CHRM2: variants seen among roughly 807,000 people sequenced by gnomAD.
CHRM2 encodes the protein cholinergic receptor muscarinic 2, also known as muscarinic acetylcholine receptor M2.
Under a neutral mutation model 25.0 loss-of-function variants are expected in CHRM2, and 8 were observed. That is an observed-to-expected ratio of 0.32 (90% CI 0.19 to 0.58). The LOEUF is 0.58. Ranked by LOEUF, CHRM2 falls within the 20% of genes least tolerant of loss-of-function variation. CHRM2 has a pLI of 0.88. For synonymous variants in CHRM2, 202 were observed against 205.7 expected (o/e 0.98, Z 0.15); for missense variants, 440 against 567.1 (o/e 0.78, Z 2.28).
At chr7:136,940,128 TTTAAG>T (rs1325917333) in intron 2 of CHRM2, among the ~76,000 whole-genome samples, 2 of 152,204 alleles carry the variant, frequency 1.3e-5, no homozygotes, top group African/African-American at 4.8e-5. Flanking sequence ...CTAAGTGGTA[TTTAAG>T]TTAACAAGTA....
chr7:136,984,057 G>T (rs1169251755), intron 2 of CHRM2, among the ~76,000 whole-genome samples: 1 of 152,052 alleles, frequency 6.6e-6, no homozygotes, highest in East Asian at 1.9e-4. Context: ...CTCCCCCAAG[G>T]TTCTCTGTCC....
In CHRM2 at chr7:137,015,421, G is replaced by A; in HGVS notation, c.556G>A (p.Val186Ile). The change falls in exon 4 of 4, where the codon GTC becomes ATC. Residue 186 changes from valine to isoleucine, a missense_variant. Val to Ile is a conservative substitution (Grantham distance 29, BLOSUM62 3). Transcript: ENST00000680005. This position sits in a 1 kb window ranked among gnomAD's most constrained non-coding sequence, Gnocchi z 5.1. ...CATTCAGTTTTTTTCCAATGCTGCTGTCACCTTTGGTACGGCTATTGCAGC... is the reference window on the plus strand; with the variant it reads ...CATTCAGTTTTTTTCCAATGCTGCTATCACCTTTGGTACGGCTATTGCAGC... ...CYIQFFSNAAVTFGTAIAAFY... is the reference protein window; with the variant it reads ...CYIQFFSNAAITFGTAIAAFY... 6.2e-7 allele frequency: 1 copy of A among 1,613,432 alleles called. No homozygotes were observed. The highest frequency in any genetic ancestry group is 8.5e-7 in the Non-Finnish European group (1 of 1,179,626).
chr7:136,965,404 G>A (rs1051219485), intron 2 of CHRM2, among the ~76,000 whole-genome samples: 17 of 152,010 alleles, frequency 1.1e-4, no homozygotes, highest in Non-Finnish European at 2.4e-4. Context: ...TATTTCTCAT[G>A]GACAAGAGCA....
At chr7:137,003,808 G>T (rs893483025) in intron 3 of CHRM2, among the ~76,000 whole-genome samples, 1 of 152,118 alleles carries the variant, frequency 6.6e-6, no homozygotes, top group African/African-American at 2.4e-5. Context: ...TGTTGTGGGA[G>T]GAACCCAGTG....
intron 2 of CHRM2, among the ~76,000 whole-genome samples, chr7:136,892,631 C>T (rs529680385): frequency 6.6e-6 from 1 of 150,784 alleles, no homozygotes; most frequent in South Asian, 2.1e-4. Context: ...AAAAATGATA[C>T]CAAGGAAGAA....
intron 2 of CHRM2, among the ~76,000 whole-genome samples, chr7:136,877,295 T>C (rs1796086625): frequency 6.6e-6 from 1 of 152,086 alleles, no homozygotes; most frequent in Non-Finnish European, 1.5e-5. Flanking sequence ...TCTTTCAATG[T>C]AGAGGAAACC....
At chr7:136,873,914 CA>C (rs1400010062) in intron 2 of CHRM2, among the ~76,000 whole-genome samples, 1 of 152,140 alleles carries the variant, frequency 6.6e-6, no homozygotes, top group East Asian at 1.9e-4. Context: ...ACGAGGGCAC[CA>C]AAATTTTGGC....
intron 3 of CHRM2, 117 bp from the exon 4 acceptor site, chr7:137,014,703 C>A: frequency 1.4e-6 from 1 of 700,420 alleles, no homozygotes; most frequent in Non-Finnish European, 2.4e-6. Context: ...ACACAGTAAT[C>A]ATGCAGGGGA....
Position 137,014,633 on chromosome 7 carries a change from G to T in CHRM2, c.-46-187G>T, listed in dbSNP as rs17168888. Among the ~76,000 whole-genome samples the T allele has an allele frequency of 0.025, 3,822 of 151,968 alleles. 59 individuals are homozygous for T. Among genetic ancestry groups the T allele is most frequent in the Middle Eastern group, 0.058 (17 of 294 alleles). On this transcript the variant is annotated intron_variant, in intron 3 of 3. Transcript: ENST00000680005. Reference sequence around the variant, plus strand: ...TTCAAGTTCATTGCCAGCCTGAAAGGTCCTTTTGAATCCTCCATTTGAAGG... The same window carrying T: ...TTCAAGTTCATTGCCAGCCTGAAAGTTCCTTTTGAATCCTCCATTTGAAGG...
chr7:136,917,142 C>T (rs1032456350), intron 2 of CHRM2, among the ~76,000 whole-genome samples: 1 of 149,030 alleles, frequency 6.7e-6, no homozygotes, highest in African/African-American at 2.5e-5. Context: ...GTGACATTCA[C>T]TATTTTCAGC....
chr7:136,974,298 G>A (rs947272073), intron 2 of CHRM2, among the ~76,000 whole-genome samples: 2 of 152,166 alleles, frequency 1.3e-5, no homozygotes, highest in Admixed American at 6.5e-5. Flanking sequence ...TGCCTTCTAT[G>A]TGCTGGATGC....
intron 2 of CHRM2, among the ~76,000 whole-genome samples, chr7:136,906,369 GTATTA>G (rs1563057845): frequency 6.6e-6 from 1 of 150,642 alleles, no homozygotes; most frequent in Non-Finnish European, 1.5e-5. Context: ...ATATATGTAT[GTATTA>G]TATTTATATA....
chr7:136,985,603 G>C (rs182617440), intron 2 of CHRM2, among the ~76,000 whole-genome samples: 2 of 148,316 alleles, frequency 1.3e-5, no homozygotes, highest in Non-Finnish European at 3.0e-5. Flanking sequence ...ATCAATCTAA[G>C]ACAGGATTAC....
chr7:136,926,670 A>T (rs760628262), intron 2 of CHRM2, among the ~76,000 whole-genome samples: 3 of 152,192 alleles, frequency 2.0e-5, no homozygotes, highest in Non-Finnish European at 4.4e-5. Context: ...AATGAATTAT[A>T]TGGAAGAAAT....
rs114392872 is a variant in CHRM2, at chr7:136,913,342, G to A, written c.-125+43924G>A. On this transcript the variant is annotated intron_variant, in intron 2 of 3. Transcript: ENST00000680005. ...AAAATACCAGCTTTCTATTTCCACAGGAAGGAGTTATTTAAAAGAATCCAT... is the reference window on the plus strand; with the variant it reads ...AAAATACCAGCTTTCTATTTCCACAAGAAGGAGTTATTTAAAAGAATCCAT... Among the ~76,000 whole-genome samples the A allele has an allele frequency of 4.0e-3, 607 of 152,024 alleles. 3 individuals are homozygous for A. Among genetic ancestry groups the A allele is most frequent in the African/African-American group, 0.014 (575 of 41,532 alleles).
Position 136,869,962 on chromosome 7 carries a change from G to C in CHRM2, c.-125+544G>C, listed in dbSNP as rs553418207. 5.9e-5 allele frequency: 9 copies of C among 152,578 alleles called. No individual in the cohort carries two copies. Among genetic ancestry groups the C allele is most frequent in the African/African-American group, 2.2e-4 (9 of 41,600 alleles). The allele number at this position is 152,578 out of a possible 1,614,324, so 9.5% of individuals were successfully genotyped here. A position where few individuals can be genotyped will look rare whatever the true frequency, so the allele number is the denominator to read the frequency against. On this transcript the variant is annotated intron_variant, in intron 2 of 3. Coordinates refer to ENST00000680005, the MANE Select transcript of CHRM2 (RefSeq NM_001006630.2). The surrounding 1 kb of genome is among the most constrained non-coding windows in gnomAD (Gnocchi z 4.9). ...GCTCCGCTTTCGGAGCAGCCCTTGG[G>C]CGCTGGAGAGGTTTCCCATTGCGGT...
chr7:136,875,136 C>G (rs1796002653), intron 2 of CHRM2, among the ~76,000 whole-genome samples: 1 of 149,184 alleles, frequency 6.7e-6, no homozygotes, highest in South Asian at 2.1e-4. Flanking sequence ...CATATATATA[C>G]ACACACATAC....
chr7:136,980,879 T>G (rs1334357861), intron 2 of CHRM2, among the ~76,000 whole-genome samples: 2 of 152,226 alleles, frequency 1.3e-5, no homozygotes, highest in Admixed American at 1.3e-4. Flanking sequence ...TCGATGTTCA[T>G]CAGGGATGTT....
chr7:136,935,964 C>A (rs1048983277), intron 2 of CHRM2, among the ~76,000 whole-genome samples: 9 of 152,138 alleles, frequency 5.9e-5, no homozygotes, highest in Non-Finnish European at 1.2e-4. Context: ...TTGTCACTGC[C>A]TTACCAATGA....
Sources: gnomAD v4.1 joint callset for allele counts (sites outside exome capture counted in the v4.1 genomes callset) on GRCh38, gnomAD v4.1.1 for gene constraint, Gnocchi (gnomAD v3.1) non-coding constraint, MANE v1.5 for transcripts, NCBI Gene and HGNC (gene_info 2026-07-23, HGNC 2026-07-21) for gene names.